LRRC27: variants seen among roughly 807,000 people sequenced by gnomAD.
The protein encoded by LRRC27 is leucine-rich repeat-containing protein 27.
LRRC27 carries 57 observed loss-of-function variants against 55.0 expected under a neutral mutation model. The observed-to-expected ratio is 1.04, with a 90% CI of 0.84 to 1.29. The LOEUF is 1.29. Among genes scored for constraint, LRRC27 ranks in the 50% most tolerant of loss-of-function variants. LRRC27 has a pLI of 0.00. For missense variants in LRRC27, 721 were observed against 651.5 expected (o/e 1.11, Z -1.16); for synonymous variants, 278 against 251.9 (o/e 1.10, Z -0.98).
chr10:132,355,383 G>C (rs1208768376), intron 7 of LRRC27, among the ~76,000 whole-genome samples: 1 of 152,232 alleles, frequency 6.6e-6, no homozygotes, highest in African/African-American at 2.4e-5. Flanking sequence ...GGGACTTAGA[G>C]ACAGGCATTC....
At position 132,333,708 on chromosome 10, in the gene LRRC27, GAGGTCT is replaced by G; in HGVS notation, c.185_190del (p.Glu62_Phe64delinsVal). The G allele has an allele frequency of 6.2e-7, 1 of 1,613,458 alleles. No homozygotes were observed. Among genetic ancestry groups the G allele is most frequent in the East Asian group, 2.2e-5 (1 of 44,890 alleles). On this transcript the variant is annotated inframe_deletion, in exon 2 of 11. Coordinates refer to ENST00000368614, the MANE Select transcript of LRRC27 (RefSeq NM_030626.3). Reference sequence around the variant, plus strand: ...TGAAAGTGGTCTGTGCCGTTTGGAGGAGGTCTTTAGAATCCCCAGCCTTCAAGTAAG... The same window carrying G: ...TGAAAGTGGTCTGTGCCGTTTGGAGGTTAGAATCCCCAGCCTTCAAGTAAG...
intron 6 of LRRC27, 78 bp from the exon 7 acceptor site, chr10:132,351,529 T>C (rs544462680): frequency 6.6e-7 from 1 of 1,517,668 alleles, no homozygotes; most frequent in African/African-American, 1.4e-5. Flanking sequence ...AGGCCCTCCT[T>C]TTACATTTCA....
rs748794466 is a variant in LRRC27 at position 132,361,551 on chromosome 10, C to T, written c.1265C>T (p.Ser422Leu). 1.6e-5 allele frequency: 26 copies of T among 1,613,384 alleles called. No individual in the cohort carries two copies. The highest frequency in any genetic ancestry group is 1.6e-4 in the Middle Eastern group (1 of 6,082). Residue 422 changes from serine (S) to leucine (L), a missense_variant, in exon 9 of 11, where the codon TCG (serine) becomes TTG (leucine). Transcript: ENST00000368614. ...PGKMKPSKEK[S>L]PQASKEMSAL... ...AAAATGAAACCAAGCAAAGAGAAAT[C>T]GCCACAAGCAAGTAAAGAAATGAGG...
At chr10:132,341,383 G>A (rs4880367) in intron 3 of LRRC27, among the ~76,000 whole-genome samples, 56,938 of 152,030 alleles carry the variant, frequency 0.37, 11,074 homozygotes, top group East Asian at 0.49. Context: ...TGGAGACCTT[G>A]TCTCAAAAAA....
chr10:132,338,710 C>CTTTTTTTTT (rs928264937), intron 3 of LRRC27, among the ~76,000 whole-genome samples: 1 of 140,010 alleles, frequency 7.1e-6, no homozygotes, highest in African/African-American at 2.6e-5. Context: ...TTCTTTCTTT[C>CTTTTTTTTT]TTTTTTTTTT....
chr10:132,349,253 T>G (rs1358190911), intron 6 of LRRC27, among the ~76,000 whole-genome samples: 1 of 152,222 alleles, frequency 6.6e-6, no homozygotes, highest in Non-Finnish European at 1.5e-5. Flanking sequence ...CGCAGTGGTC[T>G]GTGGTCCCTC....
chr10:132,333,776 C>T (rs1240701948), intron 2 of LRRC27, 42 bp downstream of exon 2: 1 of 1,494,510 alleles, frequency 6.7e-7, no homozygotes, highest in Non-Finnish European at 9.2e-7. Context: ...CACAGGTCCC[C>T]TATAGACAGA....
intron 9 of LRRC27, among the ~76,000 whole-genome samples, chr10:132,365,094 A>G (rs1445381151): frequency 6.6e-6 from 1 of 152,274 alleles, no homozygotes; most frequent in East Asian, 1.9e-4. Flanking sequence ...TTTTCCCTTC[A>G]TGTGGTGCAG....
In LRRC27 at chr10:132,359,910, C is replaced by T. The variant is rs2497648; in HGVS notation, c.1171-1547C>T. ...CAAAGCGGCAGCCTGTTGTAGACTT[C>T]GCCGGTGTGTTCGTGTTTATATTTG... On this transcript the variant is annotated intron_variant, in intron 8 of 10. Coordinates refer to ENST00000368614, the MANE Select transcript of LRRC27 (RefSeq NM_030626.3). Among the ~76,000 whole-genome samples the T allele has an allele frequency of 2.7e-4, 41 of 152,238 alleles. No homozygotes were observed. In the South Asian group the frequency reaches 3.1e-3, roughly 12 times the overall value.
rs768208527 is a variant in LRRC27, at chr10:132,348,986, C to T, written c.926+630C>T. The stretch of plus-strand genomic sequence containing the variant: ...AGGACAAGGGTCCCTAGGAAACAGG[C>T]TCTGCAGAGACTACATGAGAGAAAA... On this transcript the variant is annotated intron_variant, in intron 6 of 10. Transcript: ENST00000368614. The surrounding 1 kb of genome is among the most constrained non-coding windows in gnomAD (Gnocchi z 4.2). 4.3e-5 allele frequency: 70 copies of T among 1,609,814 alleles called. No homozygotes were observed. Among genetic ancestry groups the T allele is most frequent in the Admixed American group, 1.0e-4 (6 of 59,444 alleles).
chr10:132,343,478 T>C (rs2067517997), intron 4 of LRRC27, among the ~76,000 whole-genome samples: 1 of 152,200 alleles, frequency 6.6e-6, no homozygotes, highest in South Asian at 2.1e-4. Flanking sequence ...AATTTAAGCT[T>C]TTTAAAGAAG....
chr10:132,337,293 CAG>C (rs2067181999), intron 2 of LRRC27: 2 of 1,258,072 alleles, frequency 1.6e-6, no homozygotes, highest in Non-Finnish European at 2.0e-6. Context: ...GGGATAGAAA[CAG>C]TGGTGTGCTG....
At chr10:132,331,963 C>T, upstream of LRRC27, 1 of 514,440 alleles carries the variant, frequency 1.9e-6, no homozygotes, top group Admixed American at 4.3e-5. Flanking sequence ...AGGCGCACCA[C>T]ACCCCGCCCC....
rs2069340790 is a variant in LRRC27, at chr10:132,376,570, TCTC to T, written c.*1332_*1334del. ...TGGAGTCAGCCGTGGGTTGAGCTGC[TCTC>T]CTCTGAAGGTTTAACTGGGCTTGGG... On this transcript the variant is annotated 3_prime_UTR_variant, in exon 11 of 11. Transcript: ENST00000368614. 1 of 152,378 alleles carries T rather than the reference TCTC, an allele frequency of 6.6e-6. No individual in the cohort carries two copies. The highest frequency in any genetic ancestry group is 2.4e-5 in the African/African-American group (1 of 41,460). The allele number at this position is 152,378 out of a possible 1,614,324, so 9.4% of individuals were successfully genotyped here. A position where few individuals can be genotyped will look rare whatever the true frequency, so the allele number is the denominator to read the frequency against.
chr10:132,373,976 C>G (rs1392259797), intron 10 of LRRC27, among the ~76,000 whole-genome samples: 1 of 152,226 alleles, frequency 6.6e-6, no homozygotes, highest in African/African-American at 2.4e-5. Context: ...GGGTCAGTAA[C>G]AAGTAACATT....
At position 132,363,886 on chromosome 10, in the gene LRRC27, CAG is replaced by C. The variant is rs1181889774; in HGVS notation, c.1290-1537_1290-1536del. Among the ~76,000 whole-genome samples, 7 of 152,194 alleles carry C rather than the reference CAG, an allele frequency of 4.6e-5. No homozygotes were observed. The East Asian group carries it at 1.2e-3, about 25-fold the overall frequency. On this transcript the variant is annotated intron_variant, in intron 9 of 10. Transcript: ENST00000368614. Reference sequence around the variant, plus strand: ...AGAATTTGTTCCTCCTGGAGGCTGACAGTGTTTAGGGAAAATCTCGAAGGCCA... The same window carrying C: ...AGAATTTGTTCCTCCTGGAGGCTGACTGTTTAGGGAAAATCTCGAAGGCCA...
intron 10 of LRRC27, among the ~76,000 whole-genome samples, chr10:132,369,867 C>T (rs912595165): frequency 6.6e-6 from 1 of 152,160 alleles, no homozygotes; most frequent in Non-Finnish European, 1.5e-5. Flanking sequence ...TCCCGTGCTC[C>T]CCCGCCCTGG....
At chr10:132,355,311 G>A (rs1439907749) in intron 7 of LRRC27, among the ~76,000 whole-genome samples, 3 of 152,184 alleles carry the variant, frequency 2.0e-5, no homozygotes, top group Non-Finnish European at 2.9e-5. Flanking sequence ...TCCTGACCTC[G>A]TGATCCGCCC....
At chr10:132,342,777 C>T (rs954474250) in intron 4 of LRRC27, among the ~76,000 whole-genome samples, 5 of 152,114 alleles carry the variant, frequency 3.3e-5, no homozygotes, top group African/African-American at 7.2e-5. Flanking sequence ...ATAAATTTGT[C>T]GGACTAGTAG....
Sources: gnomAD v4.1 joint callset for allele counts (sites outside exome capture counted in the v4.1 genomes callset) on GRCh38, gnomAD v4.1.1 for gene constraint, Gnocchi (gnomAD v3.1) non-coding constraint, MANE v1.5 for transcripts, NCBI Gene and HGNC (gene_info 2026-07-23, HGNC 2026-07-21) for gene names.